The following TNFSF14 variants were observed in gnomAD, a reference collection of about 807,000 sequenced individuals.
The protein encoded by TNFSF14 is TNF superfamily member 14, also known as tumor necrosis factor ligand superfamily member 14.
In TNFSF14, 15 loss-of-function variants were observed where a neutral mutation model predicts 22.7. The observed-to-expected ratio is 0.66, with a 90% confidence interval of 0.44 to 1.02. TNFSF14 has a LOEUF of 1.02. Ranked by LOEUF, TNFSF14 falls within the 50% of genes least tolerant of loss-of-function variation. The pLI, the probability that TNFSF14 is intolerant of heterozygous loss-of-function variation, is 0.00. For synonymous variants in TNFSF14, 133 were observed against 139.6 expected, an observed-to-expected ratio of 0.95 and a Z score of 0.33; for missense variants, 287 against 326.2, an observed-to-expected ratio of 0.88 and a Z score of 0.93.
At chr19:6,666,080 G>A (rs886452144) in intron 3 of TNFSF14, among the ~76,000 whole-genome samples, 8 of 152,046 alleles carry the variant, frequency 5.3e-5, no homozygotes, top group African/African-American at 1.7e-4. Flanking sequence ...GCATGGAACC[G>A]TTAAGTGATT....
At chr19:6,667,534 G>A (rs1183621721) in intron 1 of TNFSF14, 85 bp from the exon 2 acceptor site, 2 of 1,462,954 alleles carry the variant, frequency 1.4e-6, no homozygotes, top group South Asian at 1.3e-5. Context: ...TGAGACATGA[G>A]GACCATAGCC....
At chr19:6,665,880 C>T (rs1917411078) in intron 3 of TNFSF14, among the ~76,000 whole-genome samples, 1 of 151,744 alleles carries the variant, frequency 6.6e-6, no homozygotes, top group Middle Eastern at 3.4e-3. Context: ...TGTGCTCAAC[C>T]GATCCTTCAG....
rs1375899141 is a variant in TNFSF14, at chr19:6,664,017, G to A, written c.*909C>T. ...ACAAAGCTGTCCCCCTCCCAGGACA[G>A]CTGGTTGTTAAACAGTTATGAGCAC... On this transcript the variant is annotated 3_prime_UTR_variant, in exon 4 of 4. Coordinates refer to ENST00000675206, the MANE Select transcript of TNFSF14 (RefSeq NM_001376887.1). The surrounding 1 kb of genome is among the most constrained non-coding windows in gnomAD (Gnocchi z 4.7). The A allele has an allele frequency of 1.3e-5, 2 of 152,194 alleles. No homozygotes were observed. The highest frequency in any genetic ancestry group is 2.9e-5 in the Non-Finnish European group (2 of 68,032). 9.4% of individuals were successfully genotyped at this position (152,194 alleles called of 1,614,324 possible). A position where few individuals can be genotyped will look rare whatever the true frequency, so the allele number is the denominator to read the frequency against.
chr19:6,670,156 A>G lies in TNFSF14; in HGVS notation c.-87T>C. On this transcript the variant is annotated 5_prime_UTR_variant, in exon 1 of 4. Coordinates refer to ENST00000675206, the MANE Select transcript of TNFSF14 (RefSeq NM_001376887.1). Reference sequence around the variant, plus strand: ...ATTGCTCAACACTCCTGGGCTGTGCACGCTGCGGACAGGCACCCGTGGGCC... The same window carrying G: ...ATTGCTCAACACTCCTGGGCTGTGCGCGCTGCGGACAGGCACCCGTGGGCC... 6.5e-7 allele frequency: 1 copy of G among 1,542,724 alleles called. No homozygotes were observed.
In TNFSF14 at chr19:6,670,011, G is replaced by C; in HGVS notation, c.59C>G (p.Pro20Arg). ...GTGGCTTCGTCCCAGCCTCGTGAAT[G>C]GGATGTCGGTCTGTCCATCCACCAC... is the stretch of plus-strand genomic sequence containing the variant. Reference protein sequence around the residue: ...VFVVDGQTDIPFTRLGRSHRR... With the variant: ...VFVVDGQTDIRFTRLGRSHRR... The change falls in exon 1 of 4, where the codon CCA becomes CGA. Residue 20 changes from proline to arginine, a missense_variant. Pro to Arg is a moderately radical substitution (Grantham distance 103). Coordinates refer to ENST00000675206, the MANE Select transcript of TNFSF14 (RefSeq NM_001376887.1). 2 of 1,614,164 alleles carry C rather than the reference G, an allele frequency of 1.2e-6. No homozygotes were observed. The highest frequency in any genetic ancestry group is 1.7e-6 in the Non-Finnish European group (2 of 1,180,046).
chr19:6,667,361 G>A (rs1568203039), intron 2 of TNFSF14, 52 bp downstream of exon 2: 3 of 1,507,060 alleles, frequency 2.0e-6, no homozygotes, highest in East Asian at 2.6e-5. Context: ...AGGGGTGGGG[G>A]TGGCATGGGA....
rs202227962 is a variant in TNFSF14, at chr19:6,670,115, C to G, written c.-46G>C. 2 of 1,600,568 alleles carry G rather than the reference C, an allele frequency of 1.2e-6. No homozygotes were observed. The highest frequency in any genetic ancestry group is 8.6e-7 in the Non-Finnish European group (1 of 1,169,254). On this transcript the variant is annotated 5_prime_UTR_variant, in exon 1 of 4. Coordinates refer to ENST00000675206, the MANE Select transcript of TNFSF14 (RefSeq NM_001376887.1). ...GGCTGACACGCCTGGGTCCTTCAAC[C>G]TCAGAGGAAACCGAAATTGCTCAAC...
At chr19:6,665,808 T>A (rs1278956524) in intron 3 of TNFSF14, among the ~76,000 whole-genome samples, 1 of 151,514 alleles carries the variant, frequency 6.6e-6, no homozygotes, top group East Asian at 1.9e-4. Flanking sequence ...TGTGTGTGTG[T>A]GTGTGTGTGT....
intron 3 of TNFSF14, among the ~76,000 whole-genome samples, chr19:6,665,784 CGTGT>C (rs35598085): frequency 0.14 from 20,208 of 140,366 alleles, 1,478 homozygotes; most frequent in East Asian, 0.18. Context: ...TGCATGTGTG[CGTGT>C]GTGTGTGTGT....
chr19:6,667,508 T>G, intron 1 of TNFSF14, 59 bp from the exon 2 acceptor site: 1 of 1,546,498 alleles, frequency 6.5e-7, no homozygotes, highest in African/African-American at 1.4e-5. Flanking sequence ...GCCCTCGCAT[T>G]GCTCACACAT....
chr19:6,667,088 T>C, intron 3 of TNFSF14, 25 bp downstream of exon 3: 1 of 1,609,766 alleles, frequency 6.2e-7, no homozygotes, highest in East Asian at 2.3e-5. Context: ...CCCTGCCCCT[T>C]GCCAGGATCC....
intron 3 of TNFSF14, among the ~76,000 whole-genome samples, chr19:6,665,777 A>ATGTGTGCGTGTG (rs1917404817): frequency 7.7e-6 from 1 of 129,688 alleles, no homozygotes; most frequent in Non-Finnish European, 1.6e-5. Flanking sequence ...GTGTGTGTGC[A>ATGTGTGCGTGTG]TGTGTGCGTG....
At position 6,669,959 on chromosome 19, in the gene TNFSF14, C is replaced by G; in HGVS notation, c.111G>C (p.Arg37=). ...SHRRQSCSVA[R]VGLGLLLLLM... is the part of the protein sequence containing the mutation. ...GCAACAGCAAGAGACCCAGACCCACCCGGGCCACACTGCACGACTGTCTCC... is the reference window on the plus strand; with the variant it reads ...GCAACAGCAAGAGACCCAGACCCACGCGGGCCACACTGCACGACTGTCTCC... Residue 37 remains arginine (R), a synonymous_variant, in exon 1 of 4, where the codon CGG becomes CGC. Transcript: ENST00000675206. 1 of 1,614,102 alleles carries G rather than the reference C, an allele frequency of 6.2e-7. No individual in the cohort carries two copies. Among genetic ancestry groups the G allele is most frequent in the Non-Finnish European group, 8.5e-7 (1 of 1,180,014 alleles).
At chr19:6,670,245 C>G, upstream of TNFSF14, 1 of 1,434,420 alleles carries the variant, frequency 7.0e-7, no homozygotes, top group Non-Finnish European at 9.1e-7. Flanking sequence ...TTCCGGTACC[C>G]GCCGCCCCCG....
chr19:6,665,388 G>A, intron 3 of TNFSF14, 38 bp from the exon 4 acceptor site: 1 of 1,487,084 alleles, frequency 6.7e-7, no homozygotes, highest in Non-Finnish European at 8.9e-7. Context: ...CTGCCGGTCA[G>A]CACATGTCTT....
Position 6,664,803 on chromosome 19 carries a change from G to A in TNFSF14, c.*123C>T, listed in dbSNP as rs1319978102. ...GATCCGCCTGCCTTGGCCTCCCAAA[G>A]TGCTGGGATTACAGGCGAGAGCCAC... On this transcript the variant is annotated 3_prime_UTR_variant, in exon 4 of 4. Transcript: ENST00000675206. This position sits in a 1 kb window ranked among gnomAD's most constrained non-coding sequence, Gnocchi z 4.7. The A allele has an allele frequency of 1.6e-5, 21 of 1,306,120 alleles. No homozygotes were observed. The highest frequency in any genetic ancestry group is 2.2e-5 in the Non-Finnish European group (21 of 958,460). 80.9% of individuals were successfully genotyped at this position (1,306,120 alleles called of 1,614,324 possible).
At chr19:6,667,070 G>A (rs772803369) in intron 3 of TNFSF14, 43 bp downstream of exon 3, 24 of 1,607,436 alleles carry the variant, frequency 1.5e-5, no homozygotes, top group South Asian at 5.5e-5. Context: ...TTCCCGAGAC[G>A]CCCTGACCCC....
chr19:6,665,801 G>A (rs942358231), intron 3 of TNFSF14, among the ~76,000 whole-genome samples: 3 of 151,530 alleles, frequency 2.0e-5, no homozygotes, highest in African/African-American at 4.9e-5. Context: ...GTGTGTGTGT[G>A]TGTGTGTGTG....
chr19:6,668,354 C>T (rs2145376593), intron 1 of TNFSF14, among the ~76,000 whole-genome samples: 1 of 151,976 alleles, frequency 6.6e-6, no homozygotes, highest in Middle Eastern at 3.4e-3. Flanking sequence ...CAGAGTGAGA[C>T]ACAGTCTCTA....
Sources: gnomAD v4.1 joint callset for allele counts (sites outside exome capture counted in the v4.1 genomes callset) on GRCh38, gnomAD v4.1.1 for gene constraint, Gnocchi (gnomAD v3.1) non-coding constraint, MANE v1.5 for transcripts, NCBI Gene and HGNC (gene_info 2026-07-23, HGNC 2026-07-21) for gene names.